The following AIG1 variants were observed in gnomAD, a reference collection of about 807,000 sequenced individuals.
AIG1 encodes the protein androgen induced 1.
In AIG1, 23 loss-of-function variants were observed where a neutral mutation model predicts 31.4. The ratio of observed to expected loss-of-function variants is 0.73; its 90% confidence interval spans 0.53 to 1.04. The LOEUF (loss-of-function observed/expected upper bound fraction) is 1.04, where lower values mean the gene tolerates loss of function less well. AIG1 is among the 50% of genes least tolerant of loss of function. The probability of loss-of-function intolerance (pLI) is 0.00; values close to 1 mark genes in which losing one functional copy is unlikely to be tolerated. For missense variants in AIG1, 274 were observed against 295.0 expected, an observed-to-expected ratio of 0.93 and a Z score of 0.52; for synonymous variants, 100 against 110.5, an observed-to-expected ratio of 0.90 and a Z score of 0.60.
intron 3 of AIG1, among the ~76,000 whole-genome samples, chr6:143,226,817 A>G (rs960475515): frequency 1.1e-4 from 17 of 152,020 alleles, no homozygotes; most frequent in African/African-American, 3.9e-4. Flanking sequence ...CTCTCAGGGA[A>G]CTCTGGGATG....
At chr6:143,274,502 G>C (rs75540059) in intron 3 of AIG1, among the ~76,000 whole-genome samples, 4,301 of 152,278 alleles carry the variant, frequency 0.028, 280 homozygotes, top group Admixed American at 0.16. Context: ...TGCATGTGTT[G>C]TGTGAGCCAC....
chr6:143,306,035 C>G (rs1171036899), intron 4 of AIG1, among the ~76,000 whole-genome samples: 211 of 147,704 alleles, frequency 1.4e-3, no homozygotes, highest in Admixed American at 2.2e-3. Flanking sequence ...TTATCACAGA[C>G]TAGGATTGCA....
intron 3 of AIG1, among the ~76,000 whole-genome samples, chr6:143,253,176 T>C (rs904289708): frequency 2.0e-5 from 3 of 152,230 alleles, no homozygotes; most frequent in Admixed American, 6.5e-5. Flanking sequence ...CTTGGAATCA[T>C]TGAAAAACAT....
intron 4 of AIG1, among the ~76,000 whole-genome samples, chr6:143,301,778 T>G (rs1314192526): frequency 2.6e-5 from 4 of 152,156 alleles, no homozygotes; most frequent in African/African-American, 9.7e-5. Context: ...AAGGTGAGAT[T>G]TGGGTGGGAA....
intron 1 of AIG1, among the ~76,000 whole-genome samples, chr6:143,089,846 C>G (rs1029666758): frequency 5.9e-5 from 9 of 152,150 alleles, no homozygotes; most frequent in African/African-American, 2.2e-4. Context: ...GTGATCCACC[C>G]CCATAACTCA....
At chr6:143,189,250 T>G in intron 3 of AIG1, 1 of 452,058 alleles carries the variant, frequency 2.2e-6, no homozygotes, top group Non-Finnish European at 2.9e-6. Context: ...GGGCTCACTA[T>G]GTTTCCCAAG....
intron 1 of AIG1, among the ~76,000 whole-genome samples, chr6:143,134,453 G>T (rs1783550918): frequency 7.3e-6 from 1 of 137,752 alleles, no homozygotes. Flanking sequence ...GTTTATATTG[G>T]TTTAGATTTC....
At chr6:143,164,511 CTCAGTGCAGCT>C (rs1454504818) in intron 2 of AIG1, among the ~76,000 whole-genome samples, 2 of 152,200 alleles carry the variant, frequency 1.3e-5, no homozygotes, top group African/African-American at 4.8e-5. Flanking sequence ...GACCCAGCTT[CTCAGTGCAGCT>C]AAAGCCCTTG....
At chr6:143,095,779 G>T (rs892844424) in intron 1 of AIG1, among the ~76,000 whole-genome samples, 3 of 150,572 alleles carry the variant, frequency 2.0e-5, no homozygotes, top group African/African-American at 7.3e-5. Context: ...GCCAAGAAAG[G>T]AATTAAAATA....
chr6:143,160,750 A>G (rs1786290681), intron 2 of AIG1, among the ~76,000 whole-genome samples: 1 of 152,236 alleles, frequency 6.6e-6, no homozygotes, highest in African/African-American at 2.4e-5. Context: ...ATATCAGTGC[A>G]GGAAGCCAAG....
At chr6:143,228,818 A>T (rs1463609350) in intron 3 of AIG1, among the ~76,000 whole-genome samples, 1 of 151,476 alleles carries the variant, frequency 6.6e-6, no homozygotes, top group Admixed American at 6.6e-5. Context: ...GCTTTTAAAA[A>T]ATGTGTTCTT....
intron 2 of AIG1, among the ~76,000 whole-genome samples, chr6:143,152,653 G>A (rs553083496): frequency 1.9e-4 from 29 of 152,250 alleles, no homozygotes; most frequent in African/African-American, 6.5e-4. Flanking sequence ...CATAACAGGA[G>A]GGTTAGTTAT....
At chr6:143,098,151 G>GAA (rs926734356) in intron 1 of AIG1, among the ~76,000 whole-genome samples, 1 of 152,052 alleles carries the variant, frequency 6.6e-6, no homozygotes, top group African/African-American at 2.4e-5. Flanking sequence ...AAACTCCTTG[G>GAA]AAGAAGTCTA....
At chr6:143,259,465 C>T (rs1795594312) in intron 3 of AIG1, among the ~76,000 whole-genome samples, 1 of 152,206 alleles carries the variant, frequency 6.6e-6, no homozygotes, top group Non-Finnish European at 1.5e-5. Context: ...CTCATCTCTT[C>T]TGCCATCTAG....
chr6:143,192,668 G>A (rs1161068037), intron 3 of AIG1, among the ~76,000 whole-genome samples: 3 of 151,408 alleles, frequency 2.0e-5, no homozygotes, highest in Non-Finnish European at 2.9e-5. Context: ...CACATATTAT[G>A]GCTAGTGCTC....
intron 1 of AIG1, among the ~76,000 whole-genome samples, chr6:143,125,183 G>A (rs1253369253): frequency 6.6e-6 from 1 of 152,168 alleles, no homozygotes; most frequent in Non-Finnish European, 1.5e-5. Flanking sequence ...TACAAAGTTA[G>A]AAAATTTACT....
At chr6:143,342,472 G>C, downstream of AIG1, 1 of 783,978 alleles carries the variant, frequency 1.3e-6, no homozygotes, top group South Asian at 1.3e-5. Flanking sequence ...GCATACAAGA[G>C]AAGTGCTTTG....
At chr6:143,287,204 G>A (rs376346581) in intron 4 of AIG1, among the ~76,000 whole-genome samples, 223 of 152,054 alleles carry the variant, frequency 1.5e-3, no homozygotes, top group African/African-American at 4.9e-3. Flanking sequence ...TTAGCATTCC[G>A]GATACATACA....
chr6:143,059,471 C>T (rs1359270873), upstream of AIG1, among the ~76,000 whole-genome samples: 3 of 151,900 alleles, frequency 2.0e-5, no homozygotes, highest in Admixed American at 2.0e-4. Flanking sequence ...AGTTTATAAC[C>T]ATGTACCAAG....
Sources: gnomAD v4.1 joint callset for allele counts (sites outside exome capture counted in the v4.1 genomes callset) on GRCh38, gnomAD v4.1.1 for gene constraint, MANE v1.5 for transcripts, NCBI Gene and HGNC (gene_info 2026-07-23, HGNC 2026-07-21) for gene names.